Variants in ZNF407 observed in about 807,000 individuals in gnomAD.
ZNF407 encodes zinc finger protein 407.
Under a neutral mutation model 131.2 loss-of-function variants are expected in ZNF407, and 17 were observed. The observed-to-expected ratio is 0.13, with a 90% confidence interval of 0.09 to 0.19. The LOEUF (loss-of-function observed/expected upper bound fraction) is 0.19. ZNF407 is among the 10% of genes least tolerant of loss of function. The probability of loss-of-function intolerance (pLI) is 1.00; values close to 1 mark genes in which losing one functional copy is unlikely to be tolerated. For synonymous variants in ZNF407, 1,156 were observed against 1,062.0 expected, an observed-to-expected ratio of 1.09 and a Z score of -1.72; for missense variants, 2,681 against 2,830.6, an observed-to-expected ratio of 0.95 and a Z score of 1.20.
At chr18:74,614,718 C>G (rs1209852551) in intron 1 of ZNF407, among the ~76,000 whole-genome samples, 1 of 152,100 alleles carries the variant, frequency 6.6e-6, no homozygotes, top group East Asian at 1.9e-4. Flanking sequence ...TGATGATTAG[C>G]TAGATTTATA....
At position 74,879,300 on chromosome 18, in the gene ZNF407, T is replaced by G. The variant is rs149321675; in HGVS notation, c.5045-1736T>G. On this transcript the variant is annotated intron_variant, in intron 5 of 8. Coordinates refer to ENST00000299687, the MANE Select transcript of ZNF407 (RefSeq NM_017757.3). ...AGATTGCTCTTTCCTCATTAGAAAT[T>G]TTGCTTATTGAATGATATGGCACAA... is the stretch of plus-strand genomic sequence containing the variant. Among the ~76,000 whole-genome samples the G allele has an allele frequency of 4.8e-4, 73 of 152,170 alleles. 1 individual carries two copies. In the East Asian group the frequency reaches 6.8e-3, roughly 14 times the overall value.
At chr18:74,853,511 A>G (rs1019213531) in intron 4 of ZNF407, among the ~76,000 whole-genome samples, 1 of 152,204 alleles carries the variant, frequency 6.6e-6, no homozygotes, top group Non-Finnish European at 1.5e-5. Context: ...CTTTACGATT[A>G]TAGATTTTGG....
chr18:74,600,948 G>A (rs1982552602), intron 1 of ZNF407, among the ~76,000 whole-genome samples: 1 of 152,202 alleles, frequency 6.6e-6, no homozygotes, highest in Non-Finnish European at 1.5e-5. Context: ...CTAGGGGACA[G>A]GGATCTTTTA....
chr18:74,626,341 C>T (rs754434343), intron 1 of ZNF407, among the ~76,000 whole-genome samples: 4 of 152,180 alleles, frequency 2.6e-5, no homozygotes, highest in Non-Finnish European at 2.9e-5. Flanking sequence ...TGCCCTATAA[C>T]GCAGCAGTAT....
intron 4 of ZNF407, among the ~76,000 whole-genome samples, chr18:74,786,803 T>G (rs1969725257): frequency 7.5e-6 from 1 of 133,144 alleles, no homozygotes; most frequent in South Asian, 2.6e-4. Flanking sequence ...GTTTTTTTTT[T>G]TTTTTTTTTT....
intron 3 of ZNF407, among the ~76,000 whole-genome samples, chr18:74,677,808 T>TC (rs1986454677): frequency 6.6e-6 from 1 of 152,168 alleles, no homozygotes; most frequent in Non-Finnish European, 1.5e-5. Context: ...TGATTTTTTT[T>TC]CTCTCATTTT....
At chr18:74,822,537 C>T (rs1970355044) in intron 4 of ZNF407, among the ~76,000 whole-genome samples, 1 of 152,130 alleles carries the variant, frequency 6.6e-6, no homozygotes, top group Admixed American at 6.5e-5. Flanking sequence ...TTCCCCATTG[C>T]TTGTTTTTGT....
chr18:74,756,729 A>C (rs1024081763), intron 3 of ZNF407, among the ~76,000 whole-genome samples: 1 of 73,444 alleles, frequency 1.4e-5, no homozygotes, highest in Non-Finnish European at 2.7e-5. Context: ...TCATCTGTGA[A>C]TATGTCTTTG....
chr18:74,825,437 A>G (rs1218916368), intron 4 of ZNF407, among the ~76,000 whole-genome samples: 1 of 152,224 alleles, frequency 6.6e-6, no homozygotes, highest in East Asian at 1.9e-4. Context: ...GTATATTTAG[A>G]AAACCCCAGC....
chr18:74,692,854 C>T (rs577743577), intron 3 of ZNF407, among the ~76,000 whole-genome samples: 26 of 152,190 alleles, frequency 1.7e-4, no homozygotes, highest in African/African-American at 5.3e-4. Context: ...CCCTGGGGTT[C>T]GAGTGTGGTT....
chr18:74,956,472 A>G (rs1325616477), intron 8 of ZNF407, among the ~76,000 whole-genome samples: 1 of 152,212 alleles, frequency 6.6e-6, no homozygotes, highest in Non-Finnish European at 1.5e-5. Flanking sequence ...TTTTTAAACC[A>G]AAATATAAGA....
At chr18:74,817,557 A>G (rs1033648690) in intron 4 of ZNF407, among the ~76,000 whole-genome samples, 3 of 152,214 alleles carry the variant, frequency 2.0e-5, no homozygotes, top group Admixed American at 6.5e-5. Context: ...AATAAAAAAT[A>G]TTAAGGAAAA....
At chr18:74,912,411 C>T (rs888137014) in intron 7 of ZNF407, among the ~76,000 whole-genome samples, 2 of 152,074 alleles carry the variant, frequency 1.3e-5, no homozygotes, top group Non-Finnish European at 2.9e-5. Context: ...CAGGCAGAAA[C>T]GTCCTGCTAC....
At chr18:74,985,559 T>C (rs1329160290) in intron 8 of ZNF407, among the ~76,000 whole-genome samples, 1 of 152,204 alleles carries the variant, frequency 6.6e-6, no homozygotes, top group African/African-American at 2.4e-5. Flanking sequence ...AAGCCAGTCT[T>C]CCAACTAATA....
At chr18:75,030,954 C>T (rs1440303097) in intron 8 of ZNF407, among the ~76,000 whole-genome samples, 2 of 152,214 alleles carry the variant, frequency 1.3e-5, no homozygotes, top group South Asian at 4.1e-4. Context: ...ACAATGACTT[C>T]CCAGTCATTA....
chr18:74,958,511 C>T (rs936344576), intron 8 of ZNF407, among the ~76,000 whole-genome samples: 8 of 151,488 alleles, frequency 5.3e-5, no homozygotes, highest in Non-Finnish European at 8.8e-5. Flanking sequence ...AGGAGCCCGC[C>T]GTGCACACAC....
At chr18:74,941,198 G>T (rs1363114263) in intron 8 of ZNF407, among the ~76,000 whole-genome samples, 1 of 152,214 alleles carries the variant, frequency 6.6e-6, no homozygotes, top group African/African-American at 2.4e-5. Context: ...TTTCTGTAAT[G>T]TACTTAGCAA....
intron 3 of ZNF407, among the ~76,000 whole-genome samples, chr18:74,667,434 T>C (rs1269683879): frequency 6.6e-6 from 1 of 152,246 alleles, no homozygotes; most frequent in African/African-American, 2.4e-5. Context: ...GGTACAGTGC[T>C]TTTAATGATA....
intron 1 of ZNF407, among the ~76,000 whole-genome samples, chr18:74,599,514 C>G (rs1982483687): frequency 6.6e-6 from 1 of 152,116 alleles, no homozygotes; most frequent in Non-Finnish European, 1.5e-5. Context: ...TGAATAGACA[C>G]ATAAATAAAT....
Sources: allele counts gnomAD v4.1 joint callset (sites outside exome capture counted in the v4.1 genomes callset), GRCh38; gene constraint gnomAD v4.1.1; transcripts MANE v1.5; gene names NCBI Gene and HGNC (gene_info 2026-07-23, HGNC 2026-07-21).